ZC2HC1A: variants seen among roughly 807,000 people sequenced by gnomAD.
The protein encoded by ZC2HC1A is zinc finger C2HC domain-containing protein 1A.
A neutral mutation model predicts 40.7 loss-of-function variants in ZC2HC1A; 28 were observed. That is an observed-to-expected ratio of 0.69 (90% CI 0.51 to 0.94). The LOEUF is 0.94. Ranked by LOEUF, ZC2HC1A falls within the 40% of genes least tolerant of loss-of-function variation. The pLI, the probability that ZC2HC1A is intolerant of heterozygous loss-of-function variation, is 0.00. For missense variants in ZC2HC1A, 389 were observed against 386.3 expected, an observed-to-expected ratio of 1.01 and a Z score of -0.06; for synonymous variants, 129 against 129.2, an observed-to-expected ratio of 1.00 and a Z score of 0.01.
chr8:78,698,994 T>C (rs895132559), intron 7 of ZC2HC1A, among the ~76,000 whole-genome samples: 2 of 152,098 alleles, frequency 1.3e-5, no homozygotes, highest in Non-Finnish European at 2.9e-5. Flanking sequence ...CTGGACTCTT[T>C]TCACGTTTTT....
At chr8:78,672,807 T>G (rs1809472070) in intron 1 of ZC2HC1A, among the ~76,000 whole-genome samples, 1 of 152,146 alleles carries the variant, frequency 6.6e-6, no homozygotes, top group African/African-American at 2.4e-5. Context: ...CAGTAAGAAA[T>G]TTGTTTTACA....
At chr8:78,692,394 C>G (rs1187126607) in intron 5 of ZC2HC1A, among the ~76,000 whole-genome samples, 3 of 152,248 alleles carry the variant, frequency 2.0e-5, no homozygotes, top group Admixed American at 2.0e-4. Flanking sequence ...AATCTGCCAC[C>G]TGTGGTCATT....
intron 3 of ZC2HC1A, among the ~76,000 whole-genome samples, chr8:78,682,013 G>A (rs1311778801): frequency 6.6e-6 from 1 of 151,140 alleles, no homozygotes; most frequent in Non-Finnish European, 1.5e-5. Flanking sequence ...AAAATGTGGG[G>A]ATTACAGGCA....
At chr8:78,687,708 ATATATTTAC>A in intron 4 of ZC2HC1A, among the ~76,000 whole-genome samples, 1 of 95,600 alleles carries the variant, frequency 1.0e-5, no homozygotes, top group Non-Finnish European at 2.1e-5. Flanking sequence ...TACATTATAT[ATATATTTAC>A]GTAATACATT....
chr8:78,673,468 C>G (rs2130421422), intron 1 of ZC2HC1A, among the ~76,000 whole-genome samples: 1 of 152,296 alleles, frequency 6.6e-6, no homozygotes, highest in South Asian at 2.1e-4. Flanking sequence ...ATTTCTGGTT[C>G]TAGATCCTTG....
intron 3 of ZC2HC1A, 28 bp downstream of exon 3, chr8:78,678,707 G>T (rs1809666172): frequency 6.7e-7 from 1 of 1,501,768 alleles, no homozygotes; most frequent in Non-Finnish European, 9.0e-7. Flanking sequence ...TGAACAGTAT[G>T]AACTTTGGTG....
chr8:78,678,772 A>G lies in ZC2HC1A; in HGVS notation c.210+93A>G, dbSNP rs970763662. 8.2e-6 allele frequency: 6 copies of G among 731,362 alleles called. No individual in the cohort carries two copies. The African/African-American group carries it at 1.1e-4, about 13-fold the overall frequency. The allele number at this position is 731,362 out of a possible 1,614,324, so 45.3% of individuals were successfully genotyped here. On this transcript the variant is annotated intron_variant, in intron 3 of 8. Transcript: ENST00000263849. ...TGTTACAGTAAGGTTAAGAATAAAC[A>G]CAATTATCTGCTACATTAAGATTAA...
chr8:78,666,732 T>C (rs1021337609), intron 1 of ZC2HC1A, among the ~76,000 whole-genome samples: 4 of 152,150 alleles, frequency 2.6e-5, no homozygotes, highest in African/African-American at 9.7e-5. Flanking sequence ...GCCGGTACAA[T>C]AGATTACCCG....
At chr8:78,697,036 A>G (rs1810443721) in intron 5 of ZC2HC1A, among the ~76,000 whole-genome samples, 1 of 152,068 alleles carries the variant, frequency 6.6e-6, no homozygotes, top group African/African-American at 2.4e-5. Context: ...TCTGAGAGGG[A>G]GTCTAGTTTG....
intron 2 of ZC2HC1A, 69 bp downstream of exon 2, chr8:78,675,932 C>T: frequency 7.4e-7 from 1 of 1,359,466 alleles, no homozygotes. Flanking sequence ...CTGGTCAATT[C>T]TCATGGGAAG....
intron 7 of ZC2HC1A, among the ~76,000 whole-genome samples, chr8:78,714,413 G>A (rs1811036279): frequency 6.6e-6 from 1 of 152,074 alleles, no homozygotes; most frequent in African/African-American, 2.4e-5. Flanking sequence ...AATAGTATTA[G>A]CATCAGCTAT....
chr8:78,678,974 C>A, intron 3 of ZC2HC1A: 1 of 190,108 alleles, frequency 5.3e-6, no homozygotes, highest in East Asian at 1.2e-4. Flanking sequence ...TGCTGTCCCA[C>A]ATTCTTTTCA....
chr8:78,693,323 G>C (rs1289490536), intron 5 of ZC2HC1A, among the ~76,000 whole-genome samples: 4 of 151,218 alleles, frequency 2.6e-5, no homozygotes, highest in Non-Finnish European at 5.9e-5. Context: ...TTCCACAATG[G>C]TTGAACTAGT....
rs138221735 is a variant in ZC2HC1A at position 78,677,529 on chromosome 8, T to C, written c.94-1034T>C. Among the ~76,000 whole-genome samples the C allele has an allele frequency of 2.0e-5, 3 of 152,290 alleles. No homozygotes were observed. The East Asian group carries it at 5.8e-4, about 29-fold the overall frequency. On this transcript the variant is annotated intron_variant, in intron 2 of 8. Coordinates refer to ENST00000263849, the MANE Select transcript of ZC2HC1A (RefSeq NM_016010.3). ...TGTTAACTTTATATTAGCATATTAC[T>C]ATTATGTTAACTTTAGTAATCCAAA...
rs1241672442 is a variant in ZC2HC1A, at chr8:78,687,848, T to G, written c.352+1240T>G. Among the ~76,000 whole-genome samples, 2 of 90,104 alleles carry G rather than the reference T, an allele frequency of 2.2e-5. 1 individual carries two copies. The highest frequency in any genetic ancestry group is 5.8e-5 in the African/African-American group (2 of 34,430). The allele number at this position is 90,104 out of a possible 152,430, so 59.1% of individuals were successfully genotyped here. A position where few individuals can be genotyped will look rare whatever the true frequency, so the allele number is the denominator to read the frequency against. ...ATTCATGTAATAAATTATATATATA[T>G]TTATATAATATATATCTATATAATA... On this transcript the variant is annotated intron_variant, in intron 4 of 8. Transcript: ENST00000263849.
intron 5 of ZC2HC1A, among the ~76,000 whole-genome samples, chr8:78,694,735 A>G (rs772044709): frequency 2.0e-5 from 3 of 152,136 alleles, no homozygotes; most frequent in Non-Finnish European, 4.4e-5. Context: ...ACTTTTTCCA[A>G]TTTCATTAGT....
Position 78,717,538 on chromosome 8 carries a change from T to G in ZC2HC1A, c.*45T>G, listed in dbSNP as rs1256252116. On this transcript the variant is annotated 3_prime_UTR_variant, in exon 9 of 9. Transcript: ENST00000263849. ...AAAAAGCCAAGTTCAGAGTTTATGATTATTGCTGCTTGGACAGCTAGAGCA... is the reference window on the plus strand; with the variant it reads ...AAAAAGCCAAGTTCAGAGTTTATGAGTATTGCTGCTTGGACAGCTAGAGCA... 1 of 1,531,856 alleles carries G rather than the reference T, an allele frequency of 6.5e-7. No homozygotes were observed. The highest frequency in any genetic ancestry group is 2.3e-5 in the East Asian group (1 of 44,366). 94.9% of individuals were successfully genotyped at this position (1,531,856 alleles called of 1,614,324 possible). A position where few individuals can be genotyped will look rare whatever the true frequency, so the allele number is the denominator to read the frequency against.
In ZC2HC1A at chr8:78,717,491, T is replaced by G; in HGVS notation, c.976T>G (p.Ter326GlyextTer22). The G allele has an allele frequency of 6.6e-7, 1 of 1,518,846 alleles. No individual in the cohort carries two copies. The highest frequency in any genetic ancestry group is 8.8e-7 in the Non-Finnish European group (1 of 1,141,142). The allele number at this position is 1,518,846 out of a possible 1,614,324, so 94.1% of individuals were successfully genotyped here. The change falls in exon 9 of 9, where the codon TGA becomes GGA. Residue 326 changes from the stop codon to glycine (G), a stop_lost. Coordinates refer to ENST00000263849, the MANE Select transcript of ZC2HC1A (RefSeq NM_016010.3). ...CECGIRRMIL[*>G] ...ATGTGGCATTCGAAGAATGATTCTATGAATAGAATCTCAAAAAAAAAAAAA... is the reference window on the plus strand; with the variant it reads ...ATGTGGCATTCGAAGAATGATTCTAGGAATAGAATCTCAAAAAAAAAAAAA...
chr8:78,694,299 T>C (rs63499361), intron 5 of ZC2HC1A, among the ~76,000 whole-genome samples: 23 of 141,928 alleles, frequency 1.6e-4, no homozygotes, highest in Admixed American at 3.5e-4. Context: ...TTTTTTTTTT[T>C]CTCATTCAGT....
Sources: allele counts gnomAD v4.1 joint callset (sites outside exome capture counted in the v4.1 genomes callset), GRCh38; gene constraint gnomAD v4.1.1; transcripts MANE v1.5; gene names NCBI Gene and HGNC (gene_info 2026-07-23, HGNC 2026-07-21).